The following TPCN1 variants were observed in gnomAD, a reference collection of about 807,000 sequenced individuals.
TPCN1 encodes the protein two pore segment channel 1, also known as two pore channel protein 1.
A neutral mutation model predicts 108.8 loss-of-function variants in TPCN1; 52 were observed. The ratio of observed to expected loss-of-function variants is 0.48; its 90% CI spans 0.38 to 0.60. TPCN1 has a LOEUF of 0.60. Ranked by LOEUF, TPCN1 falls within the 20% of genes least tolerant of loss-of-function variation. The pLI, the probability that TPCN1 is intolerant of heterozygous loss-of-function variation, is 0.00. For synonymous variants in TPCN1, 446 were observed against 433.7 expected, an observed-to-expected ratio of 1.03 and a Z score of -0.35; for missense variants, 806 against 1,072.8, an observed-to-expected ratio of 0.75 and a Z score of 3.47.
intron 25 of TPCN1, 85 bp downstream of exon 25, chr12:113,292,043 C>A: frequency 8.5e-7 from 1 of 1,170,640 alleles, no homozygotes; most frequent in Non-Finnish European, 1.3e-6. Context: ...GTCCAGCCAG[C>A]CATCAGGCTG....
At chr12:113,276,163 G>A (rs767220531) in intron 10 of TPCN1, among the ~76,000 whole-genome samples, 5 of 152,188 alleles carry the variant, frequency 3.3e-5, no homozygotes, top group Non-Finnish European at 7.3e-5. Flanking sequence ...TAAAACAGTT[G>A]CTGTCGAACC....
In TPCN1 at chr12:113,298,164, G is replaced by A. The variant is rs886866372; in HGVS notation, c.*2088G>A. 7 of 152,324 alleles carry A rather than the reference G, an allele frequency of 4.6e-5. No individual in the cohort carries two copies. Among genetic ancestry groups the A allele is most frequent in the African/African-American group, 1.4e-4 (6 of 41,476 alleles). The allele number at this position is 152,324 out of a possible 1,614,324, so 9.4% of individuals were successfully genotyped here. ...CCCAATGGCAGCAGTGTCAACAGAC[G>A]GGAGTCCAGCCAGGGTGGGTGCCCT... On this transcript the variant is annotated 3_prime_UTR_variant, in exon 28 of 28. Coordinates refer to ENST00000335509, the MANE Select transcript of TPCN1 (RefSeq NM_017901.6).
chr12:113,242,133 G>A (rs2136481093), intron 2 of TPCN1, among the ~76,000 whole-genome samples: 1 of 152,362 alleles, frequency 6.6e-6, no homozygotes, highest in East Asian at 1.9e-4. Flanking sequence ...GACCGTGGCG[G>A]CCCCTGGCAA....
At chr12:113,275,089 C>A (rs1280945339) in intron 10 of TPCN1, among the ~76,000 whole-genome samples, 1 of 152,206 alleles carries the variant, frequency 6.6e-6, no homozygotes, top group Admixed American at 6.5e-5. Context: ...ACATCCATGG[C>A]AGAGCTAACG....
intron 2 of TPCN1, chr12:113,249,684 A>C (rs1026310949): frequency 6.6e-6 from 1 of 152,230 alleles, no homozygotes; most frequent in African/African-American, 2.4e-5. Context: ...AACAAAAACG[A>C]AGTACTAGGA....
chr12:113,226,992 C>T (rs780625778), intron 2 of TPCN1, 28 bp downstream of exon 2: 1 of 1,585,318 alleles, frequency 6.3e-7, no homozygotes, highest in Non-Finnish European at 8.6e-7. Flanking sequence ...GCTGGGGGGA[C>T]CCCAGCTTTT....
Position 113,288,763 on chromosome 12 carries a change from G to C in TPCN1, c.1712G>C (p.Gly571Ala). The change falls in exon 21 of 28, where the codon GGC becomes GCC. Residue 571 changes from glycine to alanine, a missense_variant. By Grantham distance (60) the Gly-to-Ala change is moderately conservative. Coordinates refer to ENST00000335509, the MANE Select transcript of TPCN1 (RefSeq NM_017901.6). The surrounding 1 kb of genome is among the most constrained non-coding windows in gnomAD (Gnocchi z 4.8). ...FELLPRMASL[G>A]LTLLIFYYSF... ...CTGCCCCTGTCGCCCCACAGCCTGG[G>C]CCTCACCCTGCTCATCTTTTACTAC... 6.2e-7 allele frequency: 1 copy of C among 1,612,466 alleles called. No homozygotes were observed. Among genetic ancestry groups the C allele is most frequent in the Non-Finnish European group, 8.5e-7 (1 of 1,180,016 alleles).
chr12:113,295,990 G>A lies in TPCN1; in HGVS notation c.2365G>A (p.Glu789Lys), dbSNP rs777740356. Residue 789 changes from glutamate (E) to lysine (K), a missense_variant, in exon 28 of 28, where the codon GAG becomes AAG. Physicochemically the swap from Glu to Lys is moderately conservative, Grantham distance 56. Transcript: ENST00000335509. ...GTATGAGGAGCATGCCAGGGAGCAA[G>A]AGCAGCAGCGACAACTCAGCAGCAG... ...EWYEEHAREQ[E>K]QQRQLSSSAA... 6 of 1,611,674 alleles carry A rather than the reference G, an allele frequency of 3.7e-6. No individual in the cohort carries two copies. The highest frequency in any genetic ancestry group is 2.2e-5 in the East Asian group (1 of 44,840).
At chr12:113,225,532 C>T (rs1953438362) in intron 1 of TPCN1, among the ~76,000 whole-genome samples, 3 of 151,914 alleles carry the variant, frequency 2.0e-5, no homozygotes, top group Admixed American at 2.0e-4. Flanking sequence ...TGTAATAATG[C>T]TTTTATTCTG....
At position 113,269,798 on chromosome 12, in the gene TPCN1, A is replaced by G. The variant is rs1297210559; in HGVS notation, c.701A>G (p.Asp234Gly). 4.3e-6 allele frequency: 7 copies of G among 1,613,734 alleles called. No individual in the cohort carries two copies. The highest frequency in any genetic ancestry group is 1.7e-6 in the Non-Finnish European group (2 of 1,180,008). Reference protein sequence around the residue: ...QIFQSLPPFMDILLLLLFFMI... With the variant: ...QIFQSLPPFMGILLLLLFFMI... ...TTCCAGTCCCTGCCGCCCTTCATGG[A>G]CATCCTCCTGCTGCTGCTGTTCTTC... The change falls in exon 7 of 28, where the codon GAC becomes GGC. Residue 234 changes from aspartate (D) to glycine (G), a missense_variant. By Grantham distance (94) the Asp-to-Gly change is moderately conservative. Transcript: ENST00000335509. This position sits in a 1 kb window ranked among gnomAD's most constrained non-coding sequence, Gnocchi z 5.0.
Position 113,296,043 on chromosome 12 carries a change from AG to A in TPCN1, c.2420del (p.Gly807AlafsTer25), listed in dbSNP as rs1956417372. 5 of 1,613,164 alleles carry A rather than the reference AG, an allele frequency of 3.1e-6. No individual in the cohort carries two copies. In the African/African-American group the frequency reaches 5.3e-5, roughly 17 times the overall value. On this transcript the variant is annotated frameshift_variant, in exon 28 of 28. Transcript: ENST00000335509. LOFTEE classifies it high-confidence loss of function. ...SAAPAAQQPP[G>X]SRQRSQTVT is the part of the protein sequence containing the mutation. ...CAGCCCCCGCCGCCCAGCAGCCCCCAGGCAGCCGCCAGCGCTCCCAGACCGT... is the reference window on the plus strand; with the variant it reads ...CAGCCCCCGCCGCCCAGCAGCCCCCAGCAGCCGCCAGCGCTCCCAGACCGT...
intron 3 of TPCN1, among the ~76,000 whole-genome samples, chr12:113,263,891 GT>G (rs1955142505): frequency 1.3e-5 from 2 of 152,236 alleles, no homozygotes; most frequent in South Asian, 4.1e-4. Flanking sequence ...ATTCTCTGGG[GT>G]TTTCATCAGA....
chr12:113,283,247 A>G (rs1277366254), intron 15 of TPCN1, among the ~76,000 whole-genome samples: 1 of 152,208 alleles, frequency 6.6e-6, no homozygotes, highest in Non-Finnish European at 1.5e-5. Context: ...TTGGATACCT[A>G]TCAATATATC....
intron 2 of TPCN1, among the ~76,000 whole-genome samples, chr12:113,257,420 A>G (rs543602499): frequency 1.3e-5 from 2 of 151,680 alleles, no homozygotes; most frequent in East Asian, 3.9e-4. Flanking sequence ...GAACCCAGGA[A>G]GTGGAGGTTT....
At chr12:113,280,248 G>C (rs1955841366) in intron 15 of TPCN1, 53 bp downstream of exon 15, 4 of 1,491,048 alleles carry the variant, frequency 2.7e-6, no homozygotes, top group Non-Finnish European at 3.7e-6. Flanking sequence ...GTCCTTTGCT[G>C]TTCTAGAAGC....
Position 113,272,525 on chromosome 12 carries a change from T to C in TPCN1, c.749-133T>C. 1.2e-6 allele frequency: 1 copy of C among 818,774 alleles called. No individual in the cohort carries two copies. The highest frequency in any genetic ancestry group is 2.1e-6 in the Non-Finnish European group (1 of 466,204). The allele number at this position is 818,774 out of a possible 1,614,324, so 50.7% of individuals were successfully genotyped here. ...CAGAGCATGTGTTCTCAGGGTGCTG[T>C]GGTCCCCAGCAGTCCCTGCTGCTCT... On this transcript the variant is annotated intron_variant, in intron 7 of 27. Transcript: ENST00000335509. This position sits in a 1 kb window ranked among gnomAD's most constrained non-coding sequence, Gnocchi z 4.1.
At position 113,266,958 on chromosome 12, in the gene TPCN1, T is replaced by C. The variant is rs148836773; in HGVS notation, c.414+602T>C. Among the ~76,000 whole-genome samples the C allele has an allele frequency of 2.1e-4, 32 of 152,322 alleles. No homozygotes were observed. The highest frequency in any genetic ancestry group is 3.4e-3 in the Middle Eastern group (1 of 294). On this transcript the variant is annotated intron_variant, in intron 4 of 27. Coordinates refer to ENST00000335509, the MANE Select transcript of TPCN1 (RefSeq NM_017901.6). The surrounding 1 kb of genome is among the most constrained non-coding windows in gnomAD (Gnocchi z 4.2). ...CAGTTTCCCTTCCTGTTTCTCCTTC[T>C]TCATGCCTGGAACTCACAGCTCCAG...
intron 2 of TPCN1, among the ~76,000 whole-genome samples, chr12:113,239,268 T>A (rs1382340728): frequency 1.3e-5 from 2 of 152,074 alleles, no homozygotes; most frequent in Admixed American, 6.6e-5. Flanking sequence ...TGAATCCTGC[T>A]CCCCCCAGCT....
At chr12:113,275,655 C>T (rs932486154) in intron 10 of TPCN1, among the ~76,000 whole-genome samples, 1 of 151,778 alleles carries the variant, frequency 6.6e-6, no homozygotes, top group African/African-American at 2.4e-5. Context: ...TCACTACAAC[C>T]TCCGCCTCCT....
Sources: gnomAD v4.1 joint callset for allele counts (sites outside exome capture counted in the v4.1 genomes callset) on GRCh38, gnomAD v4.1.1 for gene constraint, Gnocchi (gnomAD v3.1) non-coding constraint, MANE v1.5 for transcripts, NCBI Gene and HGNC (gene_info 2026-07-23, HGNC 2026-07-21) for gene names.